RPS6KC1: variants seen among roughly 807,000 people sequenced by gnomAD.
The protein encoded by RPS6KC1 is ribosomal protein S6 kinase C1.
In RPS6KC1, 54 loss-of-function variants were observed where a neutral mutation model predicts 103.8. That is an observed-to-expected ratio of 0.52 (90% CI 0.42 to 0.65). The LOEUF (loss-of-function observed/expected upper bound fraction) is 0.65. Ranked by LOEUF, RPS6KC1 falls within the 30% of genes least tolerant of loss-of-function variation. The pLI, the probability that RPS6KC1 is intolerant of heterozygous loss-of-function variation, is 0.00. For synonymous variants in RPS6KC1, 439 were observed against 438.7 expected, an observed-to-expected ratio of 1.00 and a Z score of -0.01; for missense variants, 1,151 against 1,253.8, an observed-to-expected ratio of 0.92 and a Z score of 1.24.
intron 6 of RPS6KC1, among the ~76,000 whole-genome samples, chr1:213,152,048 C>CG (rs1398712744): frequency 7.1e-6 from 1 of 140,980 alleles, no homozygotes; most frequent in African/African-American, 2.8e-5. Context: ...GCTGGCCGGG[C>CG]GGGGGGCTAA....
At chr1:213,589,643 A>C in the RPS6KC1 span, among the ~76,000 whole-genome samples, 3 of 16,242 alleles carry the variant, frequency 1.8e-4, no homozygotes, top group African/African-American at 4.0e-4. Context: ...ACTCTGTTTC[A>C]AAAAAAAAAA....
In RPS6KC1 at chr1:213,118,021, CAAAAAA is replaced by C. The variant is rs59318173; in HGVS notation, c.472+624_472+629del. Among the ~76,000 whole-genome samples, 27 of 34,184 alleles carry C rather than the reference CAAAAAA, an allele frequency of 7.9e-4. 2 individuals are homozygous for C. The highest frequency in any genetic ancestry group is 2.8e-3 in the African/African-American group (24 of 8,460). The allele number at this position is 34,184 out of a possible 152,430, so 22.4% of individuals were successfully genotyped here. ...TGGACAACAAAGCAAGACTTTGTCT[CAAAAAA>C]AAAAAAAAAAAAGCCTTACTCATTT... On this transcript the variant is annotated intron_variant, in intron 5 of 14. Coordinates refer to ENST00000366960, the MANE Select transcript of RPS6KC1 (RefSeq NM_012424.6).
At chr1:213,286,617 A>G in the RPS6KC1 span, among the ~76,000 whole-genome samples, 1 of 152,240 alleles carries the variant, frequency 6.6e-6, no homozygotes, top group Admixed American at 6.5e-5. Flanking sequence ...TTTTTATGTG[A>G]ACTATACCAC....
Position 213,240,783 on chromosome 1 carries a change from C to A in RPS6KC1, c.1307C>A (p.Pro436His). 6.2e-7 allele frequency: 1 copy of A among 1,613,806 alleles called. No individual in the cohort carries two copies. Among genetic ancestry groups the A allele is most frequent in the Non-Finnish European group, 8.5e-7 (1 of 1,179,830 alleles). Residue 436 changes from proline to histidine, a missense_variant, in exon 11 of 15, where the codon CCT (proline) becomes CAT (histidine). By Grantham distance (77) the Pro-to-His change is moderately conservative (BLOSUM62 -2). Around this residue, in one of 3 missense-constraint regions of RPS6KC1, gnomAD observed 959 missense variants for 1,006.3 expected, o/e 0.95. Transcript: ENST00000366960. ...TTTGACATCAAGGAAGTGAAAAAAC[C>A]TACACTTGCAAAAGTTCACCTGCAG... Reference protein sequence around the residue: ...ESFDIKEVKKPTLAKVHLQQP... With the variant: ...ESFDIKEVKKHTLAKVHLQQP...
intron 14 of RPS6KC1, among the ~76,000 whole-genome samples, chr1:213,264,387 A>G (rs2094867883): frequency 6.6e-6 from 1 of 152,210 alleles, no homozygotes; most frequent in Non-Finnish European, 1.5e-5. Flanking sequence ...TCGTTGTGGC[A>G]CGAGATAAAT....
At chr1:213,393,337 C>T in the RPS6KC1 span, among the ~76,000 whole-genome samples, 3 of 152,212 alleles carry the variant, frequency 2.0e-5, no homozygotes, top group African/African-American at 7.2e-5. Context: ...GCTGCCATTC[C>T]ACCAAGAATC....
intron 14 of RPS6KC1, among the ~76,000 whole-genome samples, chr1:213,270,581 G>GC (rs2095024310): frequency 7.0e-6 from 1 of 143,248 alleles, no homozygotes; most frequent in African/African-American, 2.4e-5. Flanking sequence ...TTTGAGACTA[G>GC]CCTTGACAAC....
chr1:213,139,444 A>C (rs2086764218), intron 6 of RPS6KC1, among the ~76,000 whole-genome samples: 1 of 151,924 alleles, frequency 6.6e-6, no homozygotes, highest in African/African-American at 2.4e-5. Context: ...GGTATTTCCT[A>C]GGTTTTCTTT....
the RPS6KC1 span, among the ~76,000 whole-genome samples, chr1:213,388,090 C>T: frequency 1.2e-4 from 19 of 152,392 alleles, no homozygotes; most frequent in Middle Eastern, 3.4e-3. Context: ...TTTGGGCATT[C>T]TCCTTCCTCT....
intron 3 of RPS6KC1, 113 bp from the exon 4 acceptor site, chr1:213,104,341 G>A: frequency 1.7e-6 from 1 of 602,148 alleles, no homozygotes; most frequent in South Asian, 2.5e-5. Context: ...TGCATAATAA[G>A]CAAAGCAACT....
chr1:213,702,330 C>G, the RPS6KC1 span, among the ~76,000 whole-genome samples: 1 of 151,892 alleles, frequency 6.6e-6, no homozygotes, highest in South Asian at 2.1e-4. Context: ...GTTTTGTGAA[C>G]TAACATATGG....
At chr1:213,677,931 G>A in the RPS6KC1 span, among the ~76,000 whole-genome samples, 43,625 of 151,694 alleles carry the variant, frequency 0.29, 6,819 homozygotes, top group East Asian at 0.53. Context: ...GCTTGAACCC[G>A]GGAGGCAGAG....
the RPS6KC1 span, among the ~76,000 whole-genome samples, chr1:213,598,639 C>T: frequency 2.0e-5 from 3 of 151,996 alleles, no homozygotes; most frequent in African/African-American, 4.8e-5. Flanking sequence ...TATTTTAGGC[C>T]GGGTGTGGTG....
In RPS6KC1 at chr1:213,273,640, G is replaced by A. The variant is rs557004308; in HGVS notation, c.*1006G>A. ...GATCTCATCTAAATGGAATTGAATG[G>A]CAGTCCTAGTTTGTTACTTATGGTG... On this transcript the variant is annotated 3_prime_UTR_variant, in exon 15 of 15. Transcript: ENST00000366960. 6.6e-6 allele frequency: 1 copy of A among 152,608 alleles called. No individual in the cohort carries two copies. The highest frequency in any genetic ancestry group is 2.1e-4 in the South Asian group (1 of 4,818). 9.5% of individuals were successfully genotyped at this position (152,608 alleles called of 1,614,324 possible). A position where few individuals can be genotyped will look rare whatever the true frequency, so the allele number is the denominator to read the frequency against.
the RPS6KC1 span, among the ~76,000 whole-genome samples, chr1:213,624,051 T>G: frequency 6.6e-6 from 1 of 152,094 alleles, no homozygotes; most frequent in Non-Finnish European, 1.5e-5. Context: ...GAGACTTCAT[T>G]ACAGATGGGG....
At chr1:213,560,472 A>G in the RPS6KC1 span, among the ~76,000 whole-genome samples, 2 of 152,310 alleles carry the variant, frequency 1.3e-5, no homozygotes, top group Middle Eastern at 3.4e-3. Context: ...GACCCTGCTG[A>G]CAGCCAGTAA....
chr1:213,291,874 T>C, the RPS6KC1 span, among the ~76,000 whole-genome samples: 1 of 152,188 alleles, frequency 6.6e-6, no homozygotes, highest in Non-Finnish European at 1.5e-5. Context: ...GTTTTTATGG[T>C]TTTAGGTCTA....
chr1:213,266,063 G>A (rs1016387397), intron 14 of RPS6KC1, among the ~76,000 whole-genome samples: 2 of 152,210 alleles, frequency 1.3e-5, no homozygotes, highest in Non-Finnish European at 2.9e-5. Flanking sequence ...TACCTGGCAT[G>A]TGATAAGTGT....
the RPS6KC1 span, among the ~76,000 whole-genome samples, chr1:213,346,178 C>T: frequency 6.6e-6 from 1 of 152,030 alleles, no homozygotes; most frequent in Non-Finnish European, 1.5e-5. Context: ...GTATTTTTTT[C>T]TAAAGTCCAG....
Sources: gnomAD v4.1 joint callset for allele counts (sites outside exome capture counted in the v4.1 genomes callset) on GRCh38, gnomAD v4.1.1 for gene constraint, gnomAD v4.1.1 regional missense constraint, MANE v1.5 for transcripts, NCBI Gene and HGNC (gene_info 2026-07-23, HGNC 2026-07-21) for gene names.